Variants in ZNF638 observed in about 807,000 individuals in gnomAD.
ZNF638 encodes the protein CTCL tumor antigen se33-1.
In ZNF638, 46 loss-of-function variants were observed where a neutral mutation model predicts 195.6. That is an observed-to-expected ratio of 0.24 (90% CI 0.19 to 0.30). ZNF638 has a LOEUF of 0.30. Among genes scored for constraint, ZNF638 ranks in the 10% least tolerant of loss-of-function variants. The probability of loss-of-function intolerance (pLI) is 1.00; values close to 1 mark genes in which losing one functional copy is unlikely to be tolerated. For synonymous variants in ZNF638, 845 were observed against 772.0 expected (o/e 1.09, Z -1.57); for missense variants, 2,440 against 2,325.3 (o/e 1.05, Z -1.01).
chr2:71,404,141 TCAC>T, intron 17 of ZNF638, 143 bp downstream of exon 17: 1 of 722,456 alleles, frequency 1.4e-6, no homozygotes, highest in Non-Finnish European at 2.3e-6. Flanking sequence ...CCTCCAACAA[TCAC>T]CCAGTCACCC....
At chr2:71,397,974 TAGG>T (rs985717425) in intron 11 of ZNF638, among the ~76,000 whole-genome samples, 13 of 152,334 alleles carry the variant, frequency 8.5e-5, no homozygotes, top group Admixed American at 5.9e-4. Flanking sequence ...TCTAATCAAT[TAGG>T]AGCCGTGGAA....
intron 3 of ZNF638, among the ~76,000 whole-genome samples, chr2:71,358,907 T>C (rs1320279696): frequency 6.6e-6 from 1 of 152,254 alleles, no homozygotes; most frequent in African/African-American, 2.4e-5. Context: ...ATCAGTGATC[T>C]TTGATTTTGA....
chr2:71,406,352 G>A lies in ZNF638; in HGVS notation c.3135+90G>A, dbSNP rs933235972. On this transcript the variant is annotated intron_variant, in intron 19 of 27. Coordinates refer to ENST00000264447, the MANE Select transcript of ZNF638 (RefSeq NM_014497.5). Reference sequence around the variant, plus strand: ...GACAATCTGCAACTTCTGATCTGAAGCACCTGTAAATATTACTCAACCACT... The same window carrying A: ...GACAATCTGCAACTTCTGATCTGAAACACCTGTAAATATTACTCAACCACT... The A allele has an allele frequency of 3.4e-6, 4 of 1,174,664 alleles. No individual in the cohort carries two copies. In the South Asian group the frequency reaches 5.7e-5, roughly 17 times the overall value. 72.8% of individuals were successfully genotyped at this position (1,174,664 alleles called of 1,614,324 possible). A position where few individuals can be genotyped will look rare whatever the true frequency, so the allele number is the denominator to read the frequency against.
chr2:71,393,723 T>C, intron 10 of ZNF638: 1 of 663,340 alleles, frequency 1.5e-6, no homozygotes, highest in Non-Finnish European at 2.8e-6. Context: ...TCTATTGGGC[T>C]CATCTGTTAG....
rs766374468 is a variant in ZNF638, at chr2:71,400,126, A to G, written c.2602A>G (p.Lys868Glu). The G allele has an allele frequency of 3.4e-5, 55 of 1,606,322 alleles. No individual in the cohort carries two copies. Among genetic ancestry groups the G allele is most frequent in the Non-Finnish European group, 7.6e-6 (9 of 1,177,222 alleles). The change falls in exon 14 of 28, where the codon AAG becomes GAG. Residue 868 changes from lysine to glutamate, a missense_variant. Around this residue, in one of 5 missense-constraint regions of ZNF638, gnomAD observed 1,883 missense variants for 1,739.1 expected, o/e 1.08. Coordinates refer to ENST00000264447, the MANE Select transcript of ZNF638 (RefSeq NM_014497.5). Reference protein sequence around the residue: ...PVTIPENSEIKTSIEVKATEN... With the variant: ...PVTIPENSEIETSIEVKATEN... ...ATTTCATGCAGAAAACTCTGAAATA[A>G]AGACCAGTATTGAAGTCAAAGCCAC...
chr2:71,359,067 T>C (rs188013990), intron 3 of ZNF638, among the ~76,000 whole-genome samples: 7 of 152,302 alleles, frequency 4.6e-5, no homozygotes, highest in South Asian at 2.1e-4. Flanking sequence ...AAAAAACTTA[T>C]GTGACTCGCT....
intron 10 of ZNF638, among the ~76,000 whole-genome samples, chr2:71,386,230 G>A (rs974666446): frequency 6.8e-6 from 1 of 146,728 alleles, no homozygotes; most frequent in Non-Finnish European, 1.5e-5. Flanking sequence ...GGAGGTCGAC[G>A]CTTCAGTGAA....
At chr2:71,431,586 C>T (rs1030481121) in intron 26 of ZNF638, among the ~76,000 whole-genome samples, 158 bp downstream of exon 26, 9 of 152,076 alleles carry the variant, frequency 5.9e-5, no homozygotes, top group Non-Finnish European at 1.2e-4. Flanking sequence ...GGTGAAACCC[C>T]GTCAGTACTA....
chr2:71,431,036 C>G (rs11674310), intron 25 of ZNF638: 24,279 of 238,698 alleles, frequency 0.1, 1,387 homozygotes, highest in Non-Finnish European at 0.12. Context: ...TATATAAGTT[C>G]TCTTGCCAGT....
chr2:71,348,471 A>G, intron 1 of ZNF638: 2 of 1,022,954 alleles, frequency 2.0e-6, no homozygotes, highest in Non-Finnish European at 2.3e-6. Context: ...AAGATTATGT[A>G]AAAGGAGTTG....
At chr2:71,371,073 C>G (rs1204295527) in intron 8 of ZNF638, among the ~76,000 whole-genome samples, 1 of 152,102 alleles carries the variant, frequency 6.6e-6, no homozygotes, top group African/African-American at 2.4e-5. Context: ...TTAGATACCA[C>G]AAATAAGTGG....
intron 1 of ZNF638, 50 bp from the exon 2 acceptor site, chr2:71,348,703 A>G (rs1317253933): frequency 7.6e-6 from 11 of 1,440,554 alleles, no homozygotes; most frequent in Non-Finnish European, 9.1e-6. Context: ...AACCCACTTC[A>G]TGAAGTAGTT....
At chr2:71,348,168 T>TA (rs1213780926) in intron 1 of ZNF638, among the ~76,000 whole-genome samples, 1 of 152,224 alleles carries the variant, frequency 6.6e-6, no homozygotes, top group African/African-American at 2.4e-5. Context: ...ACTGTTTTCT[T>TA]AGACTCTGTA....
rs377221048 is a variant in ZNF638, at chr2:71,342,808, T to C, written c.-202-5945T>C. On this transcript the variant is annotated intron_variant, in intron 1 of 27. Transcript: ENST00000264447. ...GGATGTTGGTTCCTAACACTTTTTTTCTGTCTTCATAGCTGACGTCTATCA... is the reference window on the plus strand; with the variant it reads ...GGATGTTGGTTCCTAACACTTTTTTCCTGTCTTCATAGCTGACGTCTATCA... 3.9e-5 allele frequency among the ~76,000 whole-genome samples: 6 copies of C among 152,230 alleles called. No individual in the cohort carries two copies. The South Asian group carries it at 8.3e-4, about 21-fold the overall frequency.
At chr2:71,386,968 C>A in intron 10 of ZNF638, among the ~76,000 whole-genome samples, 1 of 151,946 alleles carries the variant, frequency 6.6e-6, no homozygotes. Context: ...CCACCTCATC[C>A]TCCTGAGTAG....
chr2:71,359,955 G>A (rs1010999836), intron 3 of ZNF638, among the ~76,000 whole-genome samples: 8 of 152,042 alleles, frequency 5.3e-5, no homozygotes, highest in African/African-American at 1.9e-4. Context: ...TTGTGTGCTG[G>A]GCATTCTTAG....
chr2:71,356,591 C>A (rs2079026779), intron 3 of ZNF638, among the ~76,000 whole-genome samples: 1 of 151,914 alleles, frequency 6.6e-6, no homozygotes, highest in Admixed American at 6.6e-5. Flanking sequence ...AGGAGTTCAG[C>A]CTGGCCAACA....
intron 26 of ZNF638, 113 bp downstream of exon 26, chr2:71,431,541 C>G (rs1234888217): frequency 2.5e-6 from 2 of 809,646 alleles, no homozygotes; most frequent in African/African-American, 3.5e-5. Context: ...GGGTGGATCA[C>G]TAGGTCAGGA....
intron 8 of ZNF638, among the ~76,000 whole-genome samples, chr2:71,378,289 A>G (rs971940220): frequency 6.6e-6 from 1 of 152,372 alleles, no homozygotes; most frequent in Non-Finnish European, 1.5e-5. Context: ...GGAACATAGT[A>G]GTTTCAAATT....
Sources: gnomAD v4.1 joint callset for allele counts (sites outside exome capture counted in the v4.1 genomes callset) on GRCh38, gnomAD v4.1.1 for gene constraint, gnomAD v4.1.1 regional missense constraint, MANE v1.5 for transcripts, NCBI Gene and HGNC (gene_info 2026-07-23, HGNC 2026-07-21) for gene names.